The following PTPRZ1 variants were observed in gnomAD, a reference collection of about 807,000 sequenced individuals.
PTPRZ1 encodes the protein receptor-type tyrosine-protein phosphatase zeta.
A neutral mutation model predicts 214.1 loss-of-function variants in PTPRZ1; 82 were observed. That is an observed-to-expected ratio of 0.38 (90% CI 0.32 to 0.46). The LOEUF is 0.46. Ranked by LOEUF, PTPRZ1 falls within the 20% of genes least tolerant of loss-of-function variation. PTPRZ1 has a pLI of 1.00. For missense variants in PTPRZ1, 2,603 were observed against 2,748.7 expected (o/e 0.95, Z 1.19); for synonymous variants, 945 against 987.9 (o/e 0.96, Z 0.81).
intron 1 of PTPRZ1, among the ~76,000 whole-genome samples, chr7:121,885,989 A>T (rs1226112512): frequency 3.3e-5 from 5 of 152,164 alleles, no homozygotes; most frequent in Non-Finnish European, 5.9e-5. Flanking sequence ...CTACTGGCAG[A>T]GGAAGTGTAT....
intron 2 of PTPRZ1, among the ~76,000 whole-genome samples, chr7:121,943,014 T>G (rs1796272919): frequency 3.9e-5 from 6 of 152,186 alleles, no homozygotes; most frequent in Admixed American, 3.9e-4. Flanking sequence ...ATGTTACAGG[T>G]TCATACTGAA....
chr7:121,997,463 TA>T (rs1232559212), intron 9 of PTPRZ1, among the ~76,000 whole-genome samples: 6 of 152,166 alleles, frequency 3.9e-5, no homozygotes, highest in Non-Finnish European at 8.8e-5. Context: ...GTGAAGAAGA[TA>T]ATTCTATTAC....
chr7:121,941,491 T>A (rs1300520589), intron 2 of PTPRZ1, among the ~76,000 whole-genome samples: 3 of 152,254 alleles, frequency 2.0e-5, no homozygotes, highest in Non-Finnish European at 2.9e-5. Flanking sequence ...TTAGGAAATT[T>A]GTAAGAGCAG....
rs1483863071 is a variant in PTPRZ1 at position 122,019,578 on chromosome 7, CGTTA to C, written c.4988+314_4988+317del. Among the ~76,000 whole-genome samples, 14 of 151,872 alleles carry C rather than the reference CGTTA, an allele frequency of 9.2e-5. No homozygotes were observed. The East Asian group carries it at 9.6e-4, about 10-fold the overall frequency. On this transcript the variant is annotated intron_variant, in intron 13 of 29. Coordinates refer to ENST00000393386, the MANE Select transcript of PTPRZ1 (RefSeq NM_002851.3). ...GCATTTAACATAAGTCTAAGCTTCT[CGTTA>C]GTTGTTATAATTCCAAAAATTAAGA...
chr7:121,999,428 A>T (rs1798255950), intron 10 of PTPRZ1, among the ~76,000 whole-genome samples: 1 of 152,164 alleles, frequency 6.6e-6, no homozygotes, highest in Non-Finnish European at 1.5e-5. Context: ...CTACCCAGAA[A>T]ATGACACCTT....
intron 1 of PTPRZ1, among the ~76,000 whole-genome samples, chr7:121,903,237 T>A (rs897126165): frequency 1.2e-4 from 19 of 152,226 alleles, no homozygotes; most frequent in Non-Finnish European, 2.6e-4. Context: ...TTGTGATTTT[T>A]AAAATGAATT....
chr7:122,056,219 C>T (rs2150493475), intron 27 of PTPRZ1, among the ~76,000 whole-genome samples: 1 of 151,858 alleles, frequency 6.6e-6, no homozygotes, highest in South Asian at 2.1e-4. Context: ...TCATTATATA[C>T]CTATTATCTT....
chr7:122,013,536 G>T lies in PTPRZ1; in HGVS notation c.4490G>T (p.Gly1497Val), dbSNP rs1218831055. The change falls in exon 12 of 30, where the codon GGT (glycine) becomes GTT (valine). Residue 1497 changes from glycine (G) to valine (V), a missense_variant. This residue lies in a region of PTPRZ1 where 1,913 missense variants were observed against 1,914.3 expected (regional missense o/e 1.00). Transcript: ENST00000393386. ...AGTGTATCCTCAGACAGTCAAACTG[G>T]TATGGACAGAAGTCCTGGTAAATCA... ...VTSVSSDSQT[G>V]MDRSPGKSPS... 2 of 1,614,140 alleles carry T rather than the reference G, an allele frequency of 1.2e-6. No individual in the cohort carries two copies. The highest frequency in any genetic ancestry group is 1.1e-5 in the South Asian group (1 of 91,076).
chr7:121,982,268 T>C (rs1198508397), intron 6 of PTPRZ1, among the ~76,000 whole-genome samples: 9 of 152,228 alleles, frequency 5.9e-5, no homozygotes, highest in Non-Finnish European at 1.3e-4. Context: ...TACCTCACTA[T>C]CATAATTTCT....
At chr7:121,928,250 T>C (rs1234571731) in intron 2 of PTPRZ1, 29 bp downstream of exon 2, 1 of 1,503,738 alleles carries the variant, frequency 6.7e-7, no homozygotes, top group Non-Finnish European at 9.1e-7. Context: ...TAATGAGATT[T>C]AGCAGAAACT....
chr7:122,047,306 ATAAC>A (rs1378297283), intron 23 of PTPRZ1, among the ~76,000 whole-genome samples: 1 of 152,192 alleles, frequency 6.6e-6, no homozygotes, highest in Non-Finnish European at 1.5e-5. Context: ...AATGATTAAG[ATAAC>A]TATAAGAAAA....
At chr7:122,003,257 GA>G (rs918142636) in intron 10 of PTPRZ1, among the ~76,000 whole-genome samples, 3 of 152,132 alleles carry the variant, frequency 2.0e-5, no homozygotes, top group South Asian at 2.1e-4. Context: ...GTTTTAACGA[GA>G]AAAAAAGTGA....
At chr7:121,938,376 T>A (rs1407678611) in intron 2 of PTPRZ1, among the ~76,000 whole-genome samples, 2 of 152,254 alleles carry the variant, frequency 1.3e-5, no homozygotes, top group African/African-American at 2.4e-5. Context: ...GCAGCAACTT[T>A]GTCACACATG....
At chr7:121,970,411 C>T (rs1459990651) in intron 3 of PTPRZ1, among the ~76,000 whole-genome samples, 1 of 152,186 alleles carries the variant, frequency 6.6e-6, no homozygotes, top group Non-Finnish European at 1.5e-5. Context: ...AGTTTACAGT[C>T]CCACCAACAG....
intron 1 of PTPRZ1, among the ~76,000 whole-genome samples, chr7:121,905,101 A>G (rs1213223753): frequency 1.3e-5 from 2 of 152,208 alleles, no homozygotes; most frequent in African/African-American, 2.4e-5. Flanking sequence ...ATATGCTTTC[A>G]TATTTATTTT....
intron 8 of PTPRZ1, among the ~76,000 whole-genome samples, chr7:121,991,752 A>T (rs1797969862): frequency 6.6e-6 from 1 of 152,244 alleles, no homozygotes; most frequent in Non-Finnish European, 1.5e-5. Flanking sequence ...AGAATTAGAA[A>T]GACTTCTTTT....
Position 122,017,655 on chromosome 7 carries a change from G to T in PTPRZ1, c.4844-1469G>T, listed in dbSNP as rs980649095. ...CAGCTCACTGCAACCTCTACTTCCC[G>T]GGTTCAGGCCATTCTCCTGACTCAG... On this transcript the variant is annotated intron_variant, in intron 12 of 29. Coordinates refer to ENST00000393386, the MANE Select transcript of PTPRZ1 (RefSeq NM_002851.3). Among the ~76,000 whole-genome samples the T allele has an allele frequency of 2.0e-5, 3 of 151,760 alleles. No individual in the cohort carries two copies. The South Asian group carries it at 6.3e-4, about 32-fold the overall frequency.
chr7:121,994,733 G>A (rs2116606049), intron 8 of PTPRZ1, among the ~76,000 whole-genome samples: 1 of 152,206 alleles, frequency 6.6e-6, no homozygotes, highest in South Asian at 2.1e-4. Context: ...ACAATTTGAA[G>A]GTCTTCTGCC....
chr7:121,873,691 C>G, intron 1 of PTPRZ1, 134 bp downstream of exon 1: 1 of 1,125,954 alleles, frequency 8.9e-7, no homozygotes, highest in Non-Finnish European at 1.3e-6. Flanking sequence ...CAACTGGGCT[C>G]CCACGGAGCG....
Sources: gnomAD v4.1 joint callset for allele counts (sites outside exome capture counted in the v4.1 genomes callset) on GRCh38, gnomAD v4.1.1 for gene constraint, gnomAD v4.1.1 regional missense constraint, MANE v1.5 for transcripts, NCBI Gene and HGNC (gene_info 2026-07-23, HGNC 2026-07-21) for gene names.